DCAF8L2: variants seen among roughly 807,000 people sequenced by gnomAD.
DCAF8L2 encodes the protein DDB1- and CUL4-associated factor 8-like protein 2.
For synonymous variants in DCAF8L2, 200 were observed against 190.9 expected (o/e 1.05, Z -0.39); for missense variants, 430 against 490.7 (o/e 0.88, Z 1.17).
At chrX:27,497,509 T>TTCCTTCC in the DCAF8L2 span, among the ~76,000 whole-genome samples, 1 of 46,528 alleles carries the variant, frequency 2.1e-5, no homozygotes, top group African/African-American at 9.6e-5. Flanking sequence ...TCTTTCTTTC[T>TTCCTTCC]TTCCTTCCTT....
intron 2 of DCAF8L2, among the ~76,000 whole-genome samples, chrX:27,654,115 G>A (rs1476191942): frequency 1.8e-5 from 2 of 111,041 alleles, no homozygotes; most frequent in African/African-American, 6.6e-5. Flanking sequence ...TTGAATTGCT[G>A]GTTCAAGAAC....
intron 4 of DCAF8L2, among the ~76,000 whole-genome samples, chrX:27,721,218 C>T (rs1053327499): frequency 4.5e-5 from 5 of 111,505 alleles, no homozygotes; most frequent in South Asian, 3.6e-4. Flanking sequence ...TCTGATACTT[C>T]CAGTATAATG....
the DCAF8L2 span, among the ~76,000 whole-genome samples, chrX:27,545,843 G>GA: frequency 9.0e-6 from 1 of 111,635 alleles, no homozygotes; most frequent in Non-Finnish European, 1.9e-5. Flanking sequence ...TGAGAGTGCA[G>GA]AAAAAACTAC....
chrX:27,502,335 AATATATATATATAT>A, the DCAF8L2 span, among the ~76,000 whole-genome samples: 74 of 12,692 alleles, frequency 5.8e-3, no homozygotes, highest in African/African-American at 0.01. Flanking sequence ...AAAAAAAAAA[AATATATATATATAT>A]ATATATATAT....
the DCAF8L2 span, among the ~76,000 whole-genome samples, chrX:27,497,964 A>G: frequency 8.9e-6 from 1 of 112,356 alleles, no homozygotes; most frequent in Non-Finnish European, 1.9e-5. Context: ...AATGTCCTCA[A>G]GGTTCATCCA....
At chrX:27,724,969 T>C in intron 4 of DCAF8L2, among the ~76,000 whole-genome samples, 1 of 111,438 alleles carries the variant, frequency 9.0e-6, no homozygotes, top group Non-Finnish European at 1.9e-5. Flanking sequence ...AGCTTGAATA[T>C]TTAAACATAT....
At chrX:27,708,009 T>C (rs938466904) in intron 3 of DCAF8L2, among the ~76,000 whole-genome samples, 9 of 111,681 alleles carry the variant, frequency 8.1e-5, no homozygotes, top group Non-Finnish European at 1.7e-4. Context: ...TTATTTAAAA[T>C]ATTCTACTTT....
chrX:27,674,590 CAAT>C (rs1930077139), intron 2 of DCAF8L2, among the ~76,000 whole-genome samples: 1 of 110,914 alleles, frequency 9.0e-6, no homozygotes, highest in African/African-American at 3.3e-5. Context: ...AGCCGTTGTA[CAAT>C]AATGTCAGTC....
chrX:27,745,703 G>A (rs777856195), intron 4 of DCAF8L2, among the ~76,000 whole-genome samples: 89 of 110,065 alleles, frequency 8.1e-4, no homozygotes, highest in African/African-American at 2.8e-3. Context: ...CCTCATTCTG[G>A]CCTTCTTAGT....
At chrX:27,702,460 A>G (rs1931165831) in intron 3 of DCAF8L2, among the ~76,000 whole-genome samples, 1 of 110,632 alleles carries the variant, frequency 9.0e-6, no homozygotes, top group Admixed American at 9.7e-5. Context: ...TCAAAAAAAA[A>G]AACTAGACAA....
the DCAF8L2 span, among the ~76,000 whole-genome samples, chrX:27,582,350 A>G: frequency 9.0e-6 from 1 of 111,367 alleles, no homozygotes; most frequent in African/African-American, 3.3e-5. Context: ...TTTTCCACTA[A>G]TGGCCCCTTT....
At chrX:27,716,940 G>A (rs918836143) in intron 4 of DCAF8L2, among the ~76,000 whole-genome samples, 2 of 111,321 alleles carry the variant, frequency 1.8e-5, no homozygotes, top group Admixed American at 9.6e-5. Flanking sequence ...GTGTCCACGT[G>A]TTCTCATTGT....
chrX:27,690,660 G>A lies in DCAF8L2; in HGVS notation c.-143+12748G>A, dbSNP rs761901786. Among the ~76,000 whole-genome samples the A allele has an allele frequency of 1.3e-4, 14 of 110,262 alleles. No homozygotes were observed. The South Asian group carries it at 5.4e-3, about 43-fold the overall frequency. On this transcript the variant is annotated intron_variant, in intron 3 of 4. Coordinates refer to ENST00000451261, the MANE Select transcript of DCAF8L2 (RefSeq NM_001353450.2). The stretch of plus-strand genomic sequence containing the variant: ...TATAAGCACAATAAAATGCCAGATC[G>A]TTATAATGGCTTACAAATCCTCTAA...
At chrX:27,470,806 T>C in the DCAF8L2 span, among the ~76,000 whole-genome samples, 1 of 112,111 alleles carries the variant, frequency 8.9e-6, no homozygotes, top group African/African-American at 3.2e-5. Flanking sequence ...AATAACTGCA[T>C]TGGTTCCCTA....
intron 4 of DCAF8L2, among the ~76,000 whole-genome samples, chrX:27,726,159 T>C (rs1335976652): frequency 9.0e-6 from 1 of 111,534 alleles, no homozygotes; most frequent in Non-Finnish European, 1.9e-5. Context: ...TCTAGTCCTT[T>C]TCCCCATAAT....
intron 4 of DCAF8L2, among the ~76,000 whole-genome samples, chrX:27,732,101 C>T (rs1483879368): frequency 9.0e-6 from 1 of 111,512 alleles, no homozygotes; most frequent in Admixed American, 9.5e-5. Flanking sequence ...AGAAAATTAA[C>T]GTATGTGTCT....
At chrX:27,698,065 A>C (rs1930994658) in intron 3 of DCAF8L2, among the ~76,000 whole-genome samples, 1 of 109,541 alleles carries the variant, frequency 9.1e-6, no homozygotes, top group Non-Finnish European at 1.9e-5. Context: ...CTTGTCATTT[A>C]TGCAGGATAC....
At chrX:27,660,832 T>G (rs1253150696) in intron 2 of DCAF8L2, among the ~76,000 whole-genome samples, 2 of 112,282 alleles carry the variant, frequency 1.8e-5, no homozygotes, top group Non-Finnish European at 3.8e-5. Context: ...GCAGCCTCCC[T>G]GATGTGCCAA....
intron 2 of DCAF8L2, among the ~76,000 whole-genome samples, chrX:27,676,446 A>G (rs1930142416): frequency 9.0e-6 from 1 of 111,580 alleles, no homozygotes; most frequent in Admixed American, 9.6e-5. Flanking sequence ...ATGTATGTCT[A>G]CTTATACAAT....
Sources: gnomAD v4.1 joint callset for allele counts (sites outside exome capture counted in the v4.1 genomes callset) on GRCh38, gnomAD v4.1.1 for gene constraint, MANE v1.5 for transcripts, NCBI Gene and HGNC (gene_info 2026-07-23, HGNC 2026-07-21) for gene names.